Variants in GPR173 observed in about 807,000 individuals in gnomAD.
GPR173 encodes G protein-coupled receptor 173.
In GPR173, 2 loss-of-function variants were observed where a neutral mutation model predicts 13.9. The ratio of observed to expected loss-of-function variants is 0.14; its 90% confidence interval spans 0.06 to 0.45. The LOEUF (loss-of-function observed/expected upper bound fraction) is 0.45. Ranked by LOEUF, GPR173 falls within the 20% of genes least tolerant of loss-of-function variation. The pLI is 0.98. For synonymous variants in GPR173, 131 were observed against 141.0 expected (o/e 0.93, Z 0.50); for missense variants, 202 against 340.5 (o/e 0.59, Z 3.20).
At chrX:53,050,590 T>C (rs990733009) in intron 1 of GPR173, among the ~76,000 whole-genome samples, 1 of 112,051 alleles carries the variant, frequency 8.9e-6, no homozygotes, top group South Asian at 3.7e-4. Context: ...TGTGTAGGGA[T>C]TGAATGAGTT....
At chrX:53,067,879 A>G (rs2146679206) in intron 1 of GPR173, among the ~76,000 whole-genome samples, 1 of 111,583 alleles carries the variant, frequency 9.0e-6, no homozygotes, top group South Asian at 3.7e-4. Context: ...AAGCAACTCA[A>G]TTAAACTATT....
chrX:53,063,199 G>A (rs1556803968), intron 1 of GPR173, among the ~76,000 whole-genome samples: 1 of 110,227 alleles, frequency 9.1e-6, no homozygotes, highest in Non-Finnish European at 1.9e-5. Context: ...TCCACAACTC[G>A]TGCATTCTGT....
intron 1 of GPR173, among the ~76,000 whole-genome samples, chrX:53,050,902 C>T (rs1034321393): frequency 4.5e-5 from 5 of 111,890 alleles, no homozygotes; most frequent in Non-Finnish European, 5.6e-5. Flanking sequence ...TTTCCCTGCA[C>T]TTGTCCCTGT....
intron 1 of GPR173, among the ~76,000 whole-genome samples, chrX:53,051,557 G>T (rs1931956582): frequency 9.0e-6 from 1 of 110,669 alleles, no homozygotes; most frequent in African/African-American, 3.3e-5. Flanking sequence ...TGAGTGTGTG[G>T]GTATCTGGGT....
At chrX:53,059,164 G>T (rs1932084321) in intron 1 of GPR173, among the ~76,000 whole-genome samples, 1 of 107,723 alleles carries the variant, frequency 9.3e-6, no homozygotes, top group Admixed American at 1.0e-4. Context: ...CAGGAGAATG[G>T]CGTGAACCTG....
At chrX:53,067,691 G>A (rs1417222334) in intron 1 of GPR173, among the ~76,000 whole-genome samples, 1 of 111,000 alleles carries the variant, frequency 9.0e-6, no homozygotes, top group African/African-American at 3.3e-5. Context: ...GGGCATGGTG[G>A]CAGGTGCCTG....
At chrX:53,059,767 GGGT>G (rs1556803560) in intron 1 of GPR173, among the ~76,000 whole-genome samples, 1 of 102,203 alleles carries the variant, frequency 9.8e-6, no homozygotes, top group Non-Finnish European at 2.0e-5. Context: ...AATCCAGCCT[GGGT>G]GACAGAGTGA....
intron 1 of GPR173, among the ~76,000 whole-genome samples, chrX:53,060,267 A>G (rs1556803638): frequency 9.2e-6 from 1 of 108,810 alleles, no homozygotes; most frequent in East Asian, 2.9e-4. Context: ...CTCGTGCCTC[A>G]ACCAAAAAAA....
At chrX:53,050,300 T>C (rs1931940514) in intron 1 of GPR173, among the ~76,000 whole-genome samples, 1 of 111,643 alleles carries the variant, frequency 9.0e-6, no homozygotes, top group African/African-American at 3.3e-5. Flanking sequence ...AACATGGTTG[T>C]CCCTACAGTG....
chrX:53,058,972 G>C (rs1002068683), intron 1 of GPR173, among the ~76,000 whole-genome samples: 2 of 109,005 alleles, frequency 1.8e-5, no homozygotes, highest in Admixed American at 2.0e-4. Context: ...ACTCTAGGCC[G>C]AGCGCGGTGG....
chrX:53,057,684 G>C (rs1932059290), intron 1 of GPR173, among the ~76,000 whole-genome samples: 1 of 110,465 alleles, frequency 9.1e-6, no homozygotes, highest in Admixed American at 9.7e-5. Flanking sequence ...AACCCGGGAG[G>C]TGGAGGTTGC....
chrX:53,057,880 C>T (rs782512076), intron 1 of GPR173, among the ~76,000 whole-genome samples: 3 of 112,687 alleles, frequency 2.7e-5, no homozygotes, highest in South Asian at 7.2e-4. Context: ...TAAGCCATTA[C>T]GTACTACCAT....
intron 1 of GPR173, among the ~76,000 whole-genome samples, chrX:53,052,608 T>C (rs943590271): frequency 3.4e-4 from 37 of 107,897 alleles, no homozygotes; most frequent in African/African-American, 1.3e-3. Flanking sequence ...CACACGTGTG[T>C]GTGTGTGTGT....
At chrX:53,055,731 T>C (rs1270810636) in intron 1 of GPR173, among the ~76,000 whole-genome samples, 1 of 109,783 alleles carries the variant, frequency 9.1e-6, no homozygotes, top group Non-Finnish European at 1.9e-5. Flanking sequence ...GATGTAGTTA[T>C]ACCTGGGTGG....
intron 1 of GPR173, among the ~76,000 whole-genome samples, chrX:53,056,610 T>A (rs1236258214): frequency 1.4e-4 from 15 of 109,694 alleles, no homozygotes; most frequent in African/African-American, 4.7e-4. Context: ...CATGTGTGAG[T>A]ATTTGGGTGA....
intron 1 of GPR173, among the ~76,000 whole-genome samples, chrX:53,075,935 G>T (rs992355634): frequency 9.0e-6 from 1 of 111,392 alleles, no homozygotes; most frequent in South Asian, 3.7e-4. Flanking sequence ...TATGTGTAGC[G>T]GGTTGTGATG....
intron 1 of GPR173, among the ~76,000 whole-genome samples, chrX:53,054,611 G>A (rs1463365059): frequency 1.8e-5 from 2 of 109,660 alleles, no homozygotes; most frequent in African/African-American, 3.3e-5. Context: ...GAGTGTGGTT[G>A]TATGTAAAGT....
chrX:53,074,114 T>TA (rs1556805314), intron 1 of GPR173, among the ~76,000 whole-genome samples: 1 of 15,993 alleles, frequency 6.3e-5, no homozygotes, highest in Non-Finnish European at 8.4e-5. Context: ...AAATATACAT[T>TA]TATATAAATA....
At position 53,077,143 on chromosome X, in the gene GPR173, C is replaced by T. The variant is rs1932447264; in HGVS notation, c.522C>T (p.Cys174=). The T allele has an allele frequency of 8.3e-7, 1 of 1,206,876 alleles. No homozygotes were observed. Among genetic ancestry groups the T allele is most frequent in the African/African-American group, 1.7e-5 (1 of 57,515 alleles). ...AGTTTATTCGGGAGGAGGACCAGTGCATCTTTGAGCATCGCTACTTCAAGG... is the reference window on the plus strand; with the variant it reads ...AGTTTATTCGGGAGGAGGACCAGTGTATCTTTGAGCATCGCTACTTCAAGG... ...TYKFIREEDQ[C]IFEHRYFKAN... is the part of the protein sequence containing the mutation. The change falls in exon 2 of 2, where the codon TGC becomes TGT. Residue 174 remains cysteine (C), a synonymous_variant. Coordinates refer to ENST00000332582, the MANE Select transcript of GPR173 (RefSeq NM_018969.6).
Sources: allele counts gnomAD v4.1 joint callset (sites outside exome capture counted in the v4.1 genomes callset), GRCh38; gene constraint gnomAD v4.1.1; transcripts MANE v1.5; gene names NCBI Gene and HGNC (gene_info 2026-07-23, HGNC 2026-07-21).